The following CAST variants were observed in gnomAD, a reference collection of about 807,000 sequenced individuals.
The protein encoded by CAST is calpastatin.
CAST carries 76 observed loss-of-function variants against 119.6 expected under a neutral mutation model. The observed-to-expected ratio is 0.64, with a 90% CI of 0.53 to 0.77. CAST has a LOEUF of 0.77. CAST is among the 30% of genes least tolerant of loss of function. CAST has a pLI of 0.00. For synonymous variants in CAST, 319 were observed against 331.6 expected (o/e 0.96, Z 0.41); for missense variants, 953 against 946.5 (o/e 1.01, Z -0.09).
At chr5:96,408,688 C>A in the CAST span, among the ~76,000 whole-genome samples, 1 of 152,212 alleles carries the variant, frequency 6.6e-6, no homozygotes, top group South Asian at 2.1e-4. Flanking sequence ...TGTGTTTGGT[C>A]TGGCATATTT....
the CAST span, among the ~76,000 whole-genome samples, chr5:96,175,067 A>C: frequency 6.6e-6 from 1 of 152,224 alleles, no homozygotes; most frequent in South Asian, 2.1e-4. Flanking sequence ...GAAGAAAAGC[A>C]ACTGAAGTTT....
the CAST span, among the ~76,000 whole-genome samples, chr5:96,017,116 G>A: frequency 3.4e-4 from 51 of 152,078 alleles, no homozygotes; most frequent in Non-Finnish European, 6.3e-4. Context: ...GATTACAGGC[G>A]TGAGCCACCA....
At chr5:96,183,009 G>T in the CAST span, among the ~76,000 whole-genome samples, 1 of 151,926 alleles carries the variant, frequency 6.6e-6, no homozygotes, top group African/African-American at 2.4e-5. Flanking sequence ...CGTGGTGGCA[G>T]GCGCCTGTAG....
intron 29 of CAST, chr5:96,768,293 A>G (rs1179367151): frequency 1.9e-5 from 8 of 412,452 alleles, no homozygotes; most frequent in Non-Finnish European, 3.2e-5. Flanking sequence ...CCATGTTGCC[A>G]GGCTGGTCTC....
chr5:96,557,173 AC>A (rs764404182), intron 1 of CAST, among the ~76,000 whole-genome samples: 2 of 152,078 alleles, frequency 1.3e-5, no homozygotes, highest in Non-Finnish European at 2.9e-5. Context: ...AGATTTTGTC[AC>A]CACCAGGCCT....
chr5:96,158,089 CA>C, the CAST span, among the ~76,000 whole-genome samples: 1 of 145,912 alleles, frequency 6.9e-6, no homozygotes, highest in Non-Finnish European at 1.5e-5. Context: ...CAAACACACA[CA>C]AAAAAACCCA....
At chr5:96,750,561 T>C (rs761578483) in intron 19 of CAST, 26 bp from the exon 20 acceptor site, 6 of 1,476,812 alleles carry the variant, frequency 4.1e-6, no homozygotes, top group South Asian at 1.1e-5. Context: ...TCTAAACTTA[T>C]TGAGAGTACT....
At chr5:96,702,788 C>T (rs1228926977) in intron 3 of CAST, 4 of 985,342 alleles carry the variant, frequency 4.1e-6, no homozygotes, top group Non-Finnish European at 4.8e-6. Flanking sequence ...CCCGGGACCG[C>T]CCCGCCCCGT....
chr5:96,457,200 T>A, the CAST span, among the ~76,000 whole-genome samples: 6 of 152,102 alleles, frequency 3.9e-5, no homozygotes, highest in Admixed American at 3.3e-4. Context: ...TCTGACTAAT[T>A]CTTAGATCTC....
At chr5:96,072,589 A>T in the CAST span, among the ~76,000 whole-genome samples, 1 of 152,212 alleles carries the variant, frequency 6.6e-6, no homozygotes, top group Non-Finnish European at 1.5e-5. Flanking sequence ...ATAGAAAAAA[A>T]GTCCACTGTT....
intron 1 of CAST, among the ~76,000 whole-genome samples, chr5:96,589,359 A>C (rs948902477): frequency 6.6e-6 from 1 of 152,196 alleles, no homozygotes; most frequent in Non-Finnish European, 1.5e-5. Context: ...CGTATATTTC[A>C]TTTTCAATAT....
At chr5:96,744,206 C>T (rs750683884) in intron 16 of CAST, among the ~76,000 whole-genome samples, 11 of 152,172 alleles carry the variant, frequency 7.2e-5, no homozygotes, top group Non-Finnish European at 1.5e-4. Flanking sequence ...CTCTTTTCCA[C>T]TCTTATGACA....
the CAST span, among the ~76,000 whole-genome samples, chr5:96,514,113 A>C: frequency 6.6e-6 from 1 of 152,172 alleles, no homozygotes; most frequent in Non-Finnish European, 1.5e-5. Flanking sequence ...CTTAATAACT[A>C]CACCTGCACT....
chr5:96,752,149 A>G (rs188202986), intron 20 of CAST, among the ~76,000 whole-genome samples: 3 of 152,334 alleles, frequency 2.0e-5, no homozygotes, highest in East Asian at 3.9e-4. Flanking sequence ...AAGAAAATTT[A>G]TTAAGGAAAC....
chr5:96,189,349 G>T, the CAST span, among the ~76,000 whole-genome samples: 1 of 152,106 alleles, frequency 6.6e-6, no homozygotes, highest in Non-Finnish European at 1.5e-5. Flanking sequence ...AGATTTGATT[G>T]CTATTTGGCT....
chr5:96,187,871 C>CA, the CAST span, among the ~76,000 whole-genome samples: 1 of 152,206 alleles, frequency 6.6e-6, no homozygotes, highest in Non-Finnish European at 1.5e-5. Flanking sequence ...GAATGACTAC[C>CA]TGTGAGCAGT....
At chr5:96,205,867 G>A in the CAST span, among the ~76,000 whole-genome samples, 1 of 152,010 alleles carries the variant, frequency 6.6e-6, no homozygotes, top group African/African-American at 2.4e-5. Context: ...TCAAATGGTA[G>A]CTCTATTTTT....
At chr5:96,270,560 C>T in the CAST span, among the ~76,000 whole-genome samples, 1 of 152,124 alleles carries the variant, frequency 6.6e-6, no homozygotes, top group Non-Finnish European at 1.5e-5. Context: ...TTTGCGGGGA[C>T]ATGGATGGAG....
the CAST span, among the ~76,000 whole-genome samples, chr5:96,301,638 G>C: frequency 6.6e-6 from 1 of 152,158 alleles, no homozygotes; most frequent in Non-Finnish European, 1.5e-5. Flanking sequence ...AAACAAAGGG[G>C]CTACAGGCCC....
Sources: allele counts gnomAD v4.1 joint callset (sites outside exome capture counted in the v4.1 genomes callset), GRCh38; gene constraint gnomAD v4.1.1; transcripts MANE v1.5; gene names NCBI Gene and HGNC (gene_info 2026-07-23, HGNC 2026-07-21).